ZBTB8A: variants seen among roughly 807,000 people sequenced by gnomAD.
ZBTB8A encodes the protein zinc finger and BTB domain containing 8A, also known as zinc finger and BTB domain-containing protein 8A.
Under a neutral mutation model 37.8 loss-of-function variants are expected in ZBTB8A, and 19 were observed. The observed-to-expected ratio is 0.50, with a 90% CI of 0.35 to 0.74. The LOEUF is 0.74. ZBTB8A is among the 30% of genes least tolerant of loss of function. The pLI, the probability that ZBTB8A is intolerant of heterozygous loss-of-function variation, is 0.01. For synonymous variants in ZBTB8A, 181 were observed against 185.2 expected (o/e 0.98, Z 0.19); for missense variants, 394 against 537.8 (o/e 0.73, Z 2.65).
chr1:32,585,025 TTC>T (rs1276969990), intron 2 of ZBTB8A, among the ~76,000 whole-genome samples: 4 of 148,314 alleles, frequency 2.7e-5, no homozygotes, highest in South Asian at 2.1e-4. Context: ...TGTTTCAGAT[TTC>T]TTTTTTTTTT....
rs1474503538 is a variant in ZBTB8A, at chr1:32,600,371, T to C, written c.1278T>C (p.Asp426=). The C allele has an allele frequency of 5.6e-6, 9 of 1,613,734 alleles. No individual in the cohort carries two copies. The highest frequency in any genetic ancestry group is 5.9e-6 in the Non-Finnish European group (7 of 1,179,870). Residue 426 remains aspartate (D), a synonymous_variant, in exon 5 of 5, where the codon GAT becomes GAC. Transcript: ENST00000373510. The part of the protein sequence containing the change: ...GSADLVIQQV[D]DSEEEEEKEI... ...CTGATCTGGTCATCCAACAGGTTGATGATAGTGAAGAAGAAGAAGAAAAAG... is the reference window on the plus strand; with the variant it reads ...CTGATCTGGTCATCCAACAGGTTGACGATAGTGAAGAAGAAGAAGAAAAAG...
chr1:32,594,983 G>T, intron 3 of ZBTB8A, 71 bp from the exon 4 acceptor site: 1 of 1,345,962 alleles, frequency 7.4e-7, no homozygotes, highest in Non-Finnish European at 1.0e-6. Flanking sequence ...CATTGGGCTT[G>T]GATTGGATTC....
chr1:32,584,631 C>T (rs1381457600), intron 2 of ZBTB8A, among the ~76,000 whole-genome samples: 1 of 151,474 alleles, frequency 6.6e-6, no homozygotes, highest in African/African-American at 2.4e-5. Context: ...GCCACCTCAG[C>T]ATCCCATGTA....
chr1:32,593,339 A>T lies in ZBTB8A; in HGVS notation c.408A>T (p.Ser136=). Residue 136 remains serine (S), a synonymous_variant, in exon 3 of 5, where the codon TCA becomes TCT. Coordinates refer to ENST00000373510, the MANE Select transcript of ZBTB8A (RefSeq NM_001040441.3). Reference sequence around the variant, plus strand: ...AAAAAGATCGCTATTTCAGTCTCTCAGATAAAGATGCCAATTCTAATGGTG... The same window carrying T: ...AAAAAGATCGCTATTTCAGTCTCTCTGATAAAGATGCCAATTCTAATGGTG... The part of the protein sequence containing the change: ...EKEKDRYFSL[S]DKDANSNGVE... The T allele has an allele frequency of 1.2e-6, 2 of 1,614,200 alleles. No individual in the cohort carries two copies. Among genetic ancestry groups the T allele is most frequent in the South Asian group, 2.2e-5 (2 of 91,082 alleles).
intron 1 of ZBTB8A, among the ~76,000 whole-genome samples, chr1:32,544,509 C>T (rs938308440): frequency 1.3e-5 from 2 of 152,198 alleles, no homozygotes; most frequent in Non-Finnish European, 2.9e-5. Context: ...CAAGCCTGGC[C>T]AACATGGCAA....
At chr1:32,542,218 G>C (rs1053448064) in intron 1 of ZBTB8A, among the ~76,000 whole-genome samples, 5 of 151,672 alleles carry the variant, frequency 3.3e-5, no homozygotes, top group African/African-American at 1.2e-4. Flanking sequence ...GACCCTGGTG[G>C]GACACATTAA....
chr1:32,550,931 G>A (rs902337506), intron 1 of ZBTB8A, among the ~76,000 whole-genome samples: 4 of 150,614 alleles, frequency 2.7e-5, no homozygotes, highest in Non-Finnish European at 5.9e-5. Context: ...CACTCCAGCC[G>A]GGGCAACAGG....
chr1:32,543,244 C>G (rs570093184), intron 1 of ZBTB8A, among the ~76,000 whole-genome samples: 2 of 151,946 alleles, frequency 1.3e-5, no homozygotes, highest in African/African-American at 4.8e-5. Context: ...CCACCATGCC[C>G]GGCTAATTTT....
chr1:32,568,734 C>T (rs1644303689), intron 2 of ZBTB8A, among the ~76,000 whole-genome samples: 1 of 152,170 alleles, frequency 6.6e-6, no homozygotes. Context: ...AGTAGGTGTT[C>T]TTTGGTGTCT....
chr1:32,556,271 T>A (rs377197591), intron 2 of ZBTB8A, among the ~76,000 whole-genome samples: 1 of 152,148 alleles, frequency 6.6e-6, no homozygotes, highest in East Asian at 1.9e-4. Flanking sequence ...GGTTTCACCA[T>A]GTTGGCCAGG....
intron 1 of ZBTB8A, among the ~76,000 whole-genome samples, 160 bp downstream of exon 1, chr1:32,539,732 CGGCGGGAG>C (rs1644033706): frequency 6.8e-6 from 1 of 146,406 alleles, no homozygotes. Flanking sequence ...GCCGGGAGCG[CGGCGGGAG>C]GCGCCCGGGA....
intron 1 of ZBTB8A, among the ~76,000 whole-genome samples, chr1:32,540,859 C>T (rs1336132437): frequency 6.6e-6 from 1 of 152,160 alleles, no homozygotes. Context: ...GAGAATCTGG[C>T]TTAGGGCCCT....
At chr1:32,555,238 A>G (rs928709600) in intron 2 of ZBTB8A, among the ~76,000 whole-genome samples, 3 of 152,032 alleles carry the variant, frequency 2.0e-5, no homozygotes, top group Non-Finnish European at 4.4e-5. Flanking sequence ...AAATAGAAAA[A>G]ATTAGCCGGG....
intron 2 of ZBTB8A, among the ~76,000 whole-genome samples, chr1:32,569,611 C>G (rs1193895690): frequency 2.0e-5 from 3 of 151,834 alleles, no homozygotes; most frequent in African/African-American, 7.3e-5. Context: ...CCAGGATGGT[C>G]TCTATCTCCT....
At chr1:32,598,915 C>T (rs991587138) in intron 4 of ZBTB8A, among the ~76,000 whole-genome samples, 1 of 152,068 alleles carries the variant, frequency 6.6e-6, no homozygotes, top group African/African-American at 2.4e-5. Context: ...GGCTTCTCAT[C>T]AGTCTGGGTG....
chr1:32,583,414 C>T (rs965802378), intron 2 of ZBTB8A, among the ~76,000 whole-genome samples: 1 of 148,766 alleles, frequency 6.7e-6, no homozygotes, highest in African/African-American at 2.5e-5. Flanking sequence ...GGTTAAGTGA[C>T]TGAATCTGGG....
At chr1:32,564,974 T>A (rs1644268052) in intron 2 of ZBTB8A, among the ~76,000 whole-genome samples, 1 of 152,198 alleles carries the variant, frequency 6.6e-6, no homozygotes, top group African/African-American at 2.4e-5. Context: ...AAGTGACTAA[T>A]TCTGTTGTTC....
intron 1 of ZBTB8A, among the ~76,000 whole-genome samples, chr1:32,541,109 GAC>G (rs1644049447): frequency 6.6e-6 from 1 of 152,212 alleles, no homozygotes; most frequent in Admixed American, 6.5e-5. Flanking sequence ...TTAACTCAGT[GAC>G]ACAATGATAT....
At chr1:32,575,855 A>C (rs1644355935) in intron 2 of ZBTB8A, among the ~76,000 whole-genome samples, 1 of 152,058 alleles carries the variant, frequency 6.6e-6, no homozygotes, top group African/African-American at 2.4e-5. Flanking sequence ...CCTATCCCTG[A>C]AACAAACAAA....
Sources: gnomAD v4.1 joint callset for allele counts (sites outside exome capture counted in the v4.1 genomes callset) on GRCh38, gnomAD v4.1.1 for gene constraint, MANE v1.5 for transcripts, NCBI Gene and HGNC (gene_info 2026-07-23, HGNC 2026-07-21) for gene names.